The following ZDBF2 variants were observed in gnomAD, a reference collection of about 807,000 sequenced individuals.
The protein encoded by ZDBF2 is zinc finger DBF-type containing 2, also known as DBF4-type zinc finger-containing protein 2.
Under a neutral mutation model 9.4 loss-of-function variants are expected in ZDBF2, and 6 were observed. That is an observed-to-expected ratio of 0.64 (90% CI 0.35 to 1.27). The LOEUF is 1.27. Ranked by LOEUF, ZDBF2 falls within the 50% of genes most tolerant of loss-of-function variation. ZDBF2 has a pLI of 0.03. For synonymous variants in ZDBF2, 905 were observed against 946.3 expected, an observed-to-expected ratio of 0.96 and a Z score of 0.80; for missense variants, 2,697 against 2,766.8, an observed-to-expected ratio of 0.97 and a Z score of 0.57.
chr2:206,295,432 C>T (rs1238398652), intron 3 of ZDBF2, among the ~76,000 whole-genome samples: 2 of 147,662 alleles, frequency 1.4e-5, no homozygotes, highest in African/African-American at 5.0e-5. Context: ...GATGCAGTCT[C>T]GGCTTACTGC....
In ZDBF2 at chr2:206,304,703, C is replaced by T. The variant is rs373775170; in HGVS notation, c.189-14C>T. 6.3e-7 allele frequency: 1 copy of T among 1,584,160 alleles called. No homozygotes were observed. The highest frequency in any genetic ancestry group is 1.8e-5 in the Admixed American group (1 of 54,178). On this transcript the variant is annotated splice_polypyrimidine_tract_variant and intron_variant, in intron 4 of 4. Coordinates refer to ENST00000374423, the MANE Select transcript of ZDBF2 (RefSeq NM_020923.3). ...ATTAGAATATGTTTATGAGTTTCCC[C>T]CCTTTCGTTTTAGTTCAACACAAGA... is the stretch of plus-strand genomic sequence containing the variant.
At position 206,306,401 on chromosome 2, in the gene ZDBF2, C is replaced by T. The variant is rs780627652; in HGVS notation, c.1873C>T (p.His625Tyr). The change falls in exon 5 of 5, where the codon CAT (histidine) becomes TAT (tyrosine). Residue 625 changes from histidine (H) to tyrosine (Y), a missense_variant. By Grantham distance (83) the His-to-Tyr change is moderately conservative. Transcript: ENST00000374423. ...KKRKPSSAKAHLDCDVSLGTV... is the reference protein window; with the variant it reads ...KKRKPSSAKAYLDCDVSLGTV... ...GCGTAAACCCAGTAGTGCTAAAGCA[C>T]ATCTTGATTGTGATGTCTCACTTGG... 7 of 1,613,688 alleles carry T rather than the reference C, an allele frequency of 4.3e-6. No individual in the cohort carries two copies. In the South Asian group the frequency reaches 4.4e-5, roughly 10 times the overall value.
rs746424059 is a variant in ZDBF2 at position 206,305,060 on chromosome 2, G to T, written c.532G>T (p.Val178Leu). 1 of 1,613,780 alleles carries T rather than the reference G, an allele frequency of 6.2e-7. No individual in the cohort carries two copies. The highest frequency in any genetic ancestry group is 8.5e-7 in the Non-Finnish European group (1 of 1,179,814). ...GGCTACAAATAATAGAAGCAACTTG[G>T]TACGCCCCCCAGTGATTTGTAATGC... Reference protein sequence around the residue: ...GQATNNRSNLVRPPVICNAPA... With the variant: ...GQATNNRSNLLRPPVICNAPA... The change falls in exon 5 of 5, where the codon GTA (valine) becomes TTA (leucine). Residue 178 changes from valine (V) to leucine (L), a missense_variant. Transcript: ENST00000374423.
chr2:206,305,919 A>G lies in ZDBF2; in HGVS notation c.1391A>G (p.Gln464Arg), dbSNP rs1217551175. The G allele has an allele frequency of 6.2e-7, 1 of 1,613,374 alleles. No homozygotes were observed. The highest frequency in any genetic ancestry group is 1.7e-5 in the Admixed American group (1 of 59,860). ...GACATTCTTCACTTGGTTACCAACC[A>G]ATCCCAAATGATTGTTAAAGAAATA... Reference protein sequence around the residue: ...CDDILHLVTNQSQMIVKEISL... With the variant: ...CDDILHLVTNRSQMIVKEISL... The change falls in exon 5 of 5, where the codon CAA becomes CGA. Residue 464 changes from glutamine (Q) to arginine (R), a missense_variant. Around this residue, in one of 3 missense-constraint regions of ZDBF2, gnomAD observed 910 missense variants for 973.6 expected, o/e 0.93. Transcript: ENST00000374423.
At chr2:206,295,626 A>T (rs115549781) in intron 3 of ZDBF2, among the ~76,000 whole-genome samples, 13,317 of 152,060 alleles carry the variant, frequency 0.088, 828 homozygotes, top group Admixed American at 0.19. Flanking sequence ...TGCCCACTGT[A>T]GACTCCCAAA....
chr2:206,306,730 A>G lies in ZDBF2; in HGVS notation c.2202A>G (p.Leu734=). ...EALDEVNLKE[L]NIDMEVRSYD... ...TGGATGAAGTAAATCTTAAAGAGTTAAATATTGACATGGAAGTTAGGAGCT... is the reference window on the plus strand; with the variant it reads ...TGGATGAAGTAAATCTTAAAGAGTTGAATATTGACATGGAAGTTAGGAGCT... The change falls in exon 5 of 5, where the codon TTA becomes TTG. Residue 734 remains leucine (L), a synonymous_variant. Coordinates refer to ENST00000374423, the MANE Select transcript of ZDBF2 (RefSeq NM_020923.3). The G allele has an allele frequency of 6.2e-7, 1 of 1,613,870 alleles. No homozygotes were observed. The highest frequency in any genetic ancestry group is 8.5e-7 in the Non-Finnish European group (1 of 1,179,806).
chr2:206,300,039 G>T (rs62195445), intron 4 of ZDBF2, among the ~76,000 whole-genome samples: 12,848 of 152,014 alleles, frequency 0.085, 733 homozygotes, highest in South Asian at 0.14. Flanking sequence ...AACCCTGGAG[G>T]CGGAGGTTGC....
chr2:206,287,474 G>T (rs1382498651), intron 3 of ZDBF2, among the ~76,000 whole-genome samples: 2 of 152,184 alleles, frequency 1.3e-5, no homozygotes, highest in Admixed American at 1.3e-4. Context: ...TATGTGACTT[G>T]ATGCTTTTGC....
chr2:206,292,344 A>G (rs1361698382), intron 3 of ZDBF2, among the ~76,000 whole-genome samples: 1 of 152,210 alleles, frequency 6.6e-6, no homozygotes, highest in Non-Finnish European at 1.5e-5. Context: ...CAGAGTTAAC[A>G]GAAAAGGAAA....
rs372060988 is a variant in ZDBF2 at position 206,281,858 on chromosome 2, A to G, written c.9A>G (p.Lys3=). 1.0e-4 allele frequency: 163 copies of G among 1,613,176 alleles called. No individual in the cohort carries two copies. The African/African-American group carries it at 2.0e-3, about 20-fold the overall frequency. MQ[K]RQGYCSYCRV... ...TCAGTTATTTATTCAAGATGCAGAA[A>G]AGACAAGGATATTGCAGTTATTGCC... The change falls in exon 3 of 5, where the codon AAA becomes AAG. Residue 3 remains lysine (K), a synonymous_variant. Coordinates refer to ENST00000374423, the MANE Select transcript of ZDBF2 (RefSeq NM_020923.3).
chr2:206,302,184 A>T (rs1388050545), intron 4 of ZDBF2, among the ~76,000 whole-genome samples: 1 of 151,804 alleles, frequency 6.6e-6, no homozygotes, highest in Non-Finnish European at 1.5e-5. Context: ...TATTTTTTAA[A>T]TTTTTTGTAG....
Position 206,305,376 on chromosome 2 carries a change from C to T in ZDBF2, c.848C>T (p.Ser283Leu). The T allele has an allele frequency of 1.2e-6, 2 of 1,613,008 alleles. No individual in the cohort carries two copies. Among genetic ancestry groups the T allele is most frequent in the Non-Finnish European group, 1.7e-6 (2 of 1,179,434 alleles). ...KDVKSQGKTL[S>L]AGLKFHERMG... ...GTAAAATCTCAGGGTAAAACTTTAT[C>T]AGCTGGCTTGAAATTCCATGAACGC... The change falls in exon 5 of 5, where the codon TCA becomes TTA. Residue 283 changes from serine (S) to leucine (L), a missense_variant. This residue lies in a region of ZDBF2 where 910 missense variants were observed against 973.6 expected (regional missense o/e 0.93). Coordinates refer to ENST00000374423, the MANE Select transcript of ZDBF2 (RefSeq NM_020923.3).
In ZDBF2 at chr2:206,307,182, A is replaced by T; in HGVS notation, c.2654A>T (p.Asn885Ile). 6.2e-7 allele frequency: 1 copy of T among 1,613,316 alleles called. No homozygotes were observed. Among genetic ancestry groups the T allele is most frequent in the Non-Finnish European group, 8.5e-7 (1 of 1,179,674 alleles). ...DSHAPLHSVT[N>I]SPEVAVKKLN... The stretch of plus-strand genomic sequence containing the variant: ...CATGCCCCTCTTCATTCAGTGACTA[A>T]TTCTCCCGAAGTAGCTGTTAAAAAG... Residue 885 changes from asparagine (N) to isoleucine (I), a missense_variant, in exon 5 of 5, where the codon AAT becomes ATT. Physicochemically the swap from Asn to Ile is moderately radical, Grantham distance 149. This residue lies in a region of ZDBF2 where 1,783 missense variants were observed against 1,776.5 expected (regional missense o/e 1.00). Coordinates refer to ENST00000374423, the MANE Select transcript of ZDBF2 (RefSeq NM_020923.3).
intron 4 of ZDBF2, among the ~76,000 whole-genome samples, chr2:206,300,169 C>T (rs1472066592): frequency 6.6e-6 from 1 of 152,030 alleles, no homozygotes; most frequent in Non-Finnish European, 1.5e-5. Flanking sequence ...TCAGAGGGAG[C>T]CAGTTTTAAA....
At chr2:206,291,334 C>T (rs1691887218) in intron 3 of ZDBF2, among the ~76,000 whole-genome samples, 1 of 152,170 alleles carries the variant, frequency 6.6e-6, no homozygotes, top group Non-Finnish European at 1.5e-5. Context: ...AGTTTACGCT[C>T]CTATGAGGAT....
chr2:206,308,179 C>G lies in ZDBF2; in HGVS notation c.3651C>G (p.Thr1217=). 1 of 1,613,620 alleles carries G rather than the reference C, an allele frequency of 6.2e-7. No homozygotes were observed. Among genetic ancestry groups the G allele is most frequent in the Non-Finnish European group, 8.5e-7 (1 of 1,179,780 alleles). Reference sequence around the variant, plus strand: ...CAGTGGCTGACCGGCTGAGAGAAACCGTTAAAGAAATAAGCCTTTGGAAGG... The same window carrying G: ...CAGTGGCTGACCGGCTGAGAGAAACGGTTAAAGAAATAAGCCTTTGGAAGG... The part of the protein sequence containing the change: ...LQSVADRLRE[T]VKEISLWKDE... The change falls in exon 5 of 5, where the codon ACC becomes ACG. Residue 1217 remains threonine (T), a synonymous_variant. Transcript: ENST00000374423.
intron 3 of ZDBF2, among the ~76,000 whole-genome samples, chr2:206,293,785 T>TA (rs1692023114): frequency 6.6e-6 from 1 of 152,186 alleles, no homozygotes; most frequent in Non-Finnish European, 1.5e-5. Context: ...ATAGGAATAC[T>TA]GCTGGTAGGG....
At position 206,308,896 on chromosome 2, in the gene ZDBF2, T is replaced by G. The variant is rs1692976656; in HGVS notation, c.4368T>G (p.Cys1456Trp). 1.2e-6 allele frequency: 2 copies of G among 1,612,612 alleles called. No homozygotes were observed. Among genetic ancestry groups the G allele is most frequent in the Non-Finnish European group, 1.7e-6 (2 of 1,179,352 alleles). ...NCEVCGSEIK[C>W]HSCVHLQSEV... ...AAGTCTGTGGTTCTGAAATAAAATG[T>G]CATTCTTGTGTTCATCTTCAGTCAG... Residue 1456 changes from cysteine (C) to tryptophan (W), a missense_variant, in exon 5 of 5, where the codon TGT (cysteine) becomes TGG (tryptophan). Coordinates refer to ENST00000374423, the MANE Select transcript of ZDBF2 (RefSeq NM_020923.3).
intron 3 of ZDBF2, among the ~76,000 whole-genome samples, chr2:206,289,290 TA>T (rs1400530315): frequency 1.3e-5 from 2 of 152,024 alleles, no homozygotes; most frequent in Non-Finnish European, 2.9e-5. Flanking sequence ...CACTTCAGCT[TA>T]GGTATTGGGG....
Sources: gnomAD v4.1 joint callset for allele counts (sites outside exome capture counted in the v4.1 genomes callset) on GRCh38, gnomAD v4.1.1 for gene constraint, gnomAD v4.1.1 regional missense constraint, MANE v1.5 for transcripts, NCBI Gene and HGNC (gene_info 2026-07-23, HGNC 2026-07-21) for gene names.